Variants in TRMT11 observed in about 807,000 individuals in gnomAD.
TRMT11 encodes the protein tRNA methyltransferase 11.
Under a neutral mutation model 62.8 loss-of-function variants are expected in TRMT11, and 53 were observed. The observed-to-expected ratio is 0.84, with a 90% CI of 0.68 to 1.06. The LOEUF is 1.06. TRMT11 is among the 50% of genes least tolerant of loss of function. The pLI is 0.00. For missense variants in TRMT11, 556 were observed against 553.4 expected, an observed-to-expected ratio of 1.00 and a Z score of -0.05; for synonymous variants, 188 against 190.3, an observed-to-expected ratio of 0.99 and a Z score of 0.10.
chr6:126,120,165 C>G (rs563622237), intron 21 of TRMT11, among the ~76,000 whole-genome samples: 4 of 152,178 alleles, frequency 2.6e-5, no homozygotes, highest in Non-Finnish European at 5.9e-5. Flanking sequence ...ATCCCAGCTA[C>G]TCTGGTGAGT....
chr6:126,143,759 A>G (rs1024631003), intron 21 of TRMT11, among the ~76,000 whole-genome samples: 5 of 152,216 alleles, frequency 3.3e-5, no homozygotes, highest in Admixed American at 1.3e-4. Context: ...AACTCATGAC[A>G]TTGCTTTATG....
At position 126,140,813 on chromosome 6, in the gene TRMT11, T is replaced by C. The variant is rs139147007; in HGVS notation, c.*1823+24958T>C. ...GTGGTCTCTCAGTGAAGTTAGTTAT[T>C]TTGCAATCAAATAATTATGGGAAAT... On this transcript the variant is annotated intron_variant and NMD_transcript_variant, in intron 21 of 22. Coordinates refer to the TRMT11 transcript ENST00000648977. Among the ~76,000 whole-genome samples the C allele has an allele frequency of 1.9e-3, 287 of 152,202 alleles. 2 individuals carry two copies. The highest frequency in any genetic ancestry group is 6.5e-3 in the African/African-American group (269 of 41,566).
chr6:126,241,080 T>G, the TRMT11 span, among the ~76,000 whole-genome samples: 2 of 152,208 alleles, frequency 1.3e-5, 1 homozygote, highest in South Asian at 4.1e-4. Context: ...AGGGTGGAAA[T>G]GACCTGATTT....
chr6:126,027,847 A>G (rs1445888164), intron 12 of TRMT11, among the ~76,000 whole-genome samples: 1 of 152,208 alleles, frequency 6.6e-6, no homozygotes, highest in Non-Finnish European at 1.5e-5. Flanking sequence ...TTTTGAAGCT[A>G]TGAAGTACAA....
chr6:126,141,471 A>G (rs1033453720), intron 21 of TRMT11, among the ~76,000 whole-genome samples: 20 of 152,276 alleles, frequency 1.3e-4, no homozygotes, highest in African/African-American at 4.8e-4. Context: ...TCATTCAAGC[A>G]TGAATATATA....
chr6:126,111,092 G>C (rs1182165421), intron 17 of TRMT11, among the ~76,000 whole-genome samples: 1 of 152,078 alleles, frequency 6.6e-6, no homozygotes, highest in Non-Finnish European at 1.5e-5. Flanking sequence ...AACCCTGGGA[G>C]GGACTGCTTG....
the TRMT11 span, among the ~76,000 whole-genome samples, chr6:126,238,044 G>T: frequency 6.6e-6 from 1 of 152,130 alleles, no homozygotes. Context: ...ATTTCTGTGG[G>T]ATCGGTGGTG....
At chr6:126,178,731 C>A (rs1414011285) in intron 1 of TRMT11, among the ~76,000 whole-genome samples, 3 of 152,102 alleles carry the variant, frequency 2.0e-5, no homozygotes, top group Admixed American at 1.3e-4. Context: ...TTTTTCTTGA[C>A]CCCAGACAGT....
intron 12 of TRMT11, among the ~76,000 whole-genome samples, chr6:126,023,451 G>C (rs770141684): frequency 2.0e-5 from 3 of 152,022 alleles, no homozygotes; most frequent in African/African-American, 7.2e-5. Context: ...AGTTCGAGAC[G>C]TGCCTGGCCA....
chr6:125,996,544 C>T (rs1482841275), intron 3 of TRMT11, among the ~76,000 whole-genome samples: 7 of 148,336 alleles, frequency 4.7e-5, no homozygotes, highest in Non-Finnish European at 1.0e-4. Flanking sequence ...TGTTTATCCT[C>T]AGTGTTTCTA....
intron 21 of TRMT11, among the ~76,000 whole-genome samples, chr6:126,168,620 G>A (rs1313646416): frequency 6.6e-6 from 1 of 152,202 alleles, no homozygotes; most frequent in Non-Finnish European, 1.5e-5. Context: ...CTGGGTTCAA[G>A]CGATTCTCCT....
intron 11 of TRMT11, among the ~76,000 whole-genome samples, chr6:126,020,018 G>A (rs1445413449): frequency 6.6e-6 from 1 of 152,170 alleles, no homozygotes; most frequent in Non-Finnish European, 1.5e-5. Context: ...AATGATGCTT[G>A]GGAAGTGGGT....
intron 1 of TRMT11, among the ~76,000 whole-genome samples, chr6:125,991,404 A>G (rs1790605876): frequency 6.6e-6 from 1 of 151,544 alleles, no homozygotes; most frequent in Non-Finnish European, 1.5e-5. Flanking sequence ...GTGCACCACT[A>G]TGTCTGGCTA....
chr6:126,106,149 A>ATT (rs370882461), intron 17 of TRMT11, among the ~76,000 whole-genome samples: 11 of 142,372 alleles, frequency 7.7e-5, no homozygotes, highest in African/African-American at 2.3e-4. Context: ...TTCCAGTTGG[A>ATT]TTTTTTTTTT....
At chr6:126,174,143 C>G (rs913551225), upstream of TRMT11, among the ~76,000 whole-genome samples, 2 of 152,160 alleles carry the variant, frequency 1.3e-5, no homozygotes, top group Admixed American at 6.5e-5. Context: ...TCCCCACTGT[C>G]GCCCACTCCT....
chr6:126,151,860 T>TCCTTG (rs1562334835), intron 21 of TRMT11, among the ~76,000 whole-genome samples: 119 of 134,988 alleles, frequency 8.8e-4, no homozygotes, highest in South Asian at 2.4e-3. Context: ...CTTTCTTTCT[T>TCCTTG]TCTTTCCTTC....
At chr6:126,167,128 C>T (rs1468410370) in intron 21 of TRMT11, among the ~76,000 whole-genome samples, 2 of 152,122 alleles carry the variant, frequency 1.3e-5, no homozygotes, top group Non-Finnish European at 2.9e-5. Flanking sequence ...GTGAATGGTT[C>T]TGTCTCGCTG....
At chr6:126,130,796 A>G (rs1292682562) in intron 21 of TRMT11, among the ~76,000 whole-genome samples, 1 of 152,114 alleles carries the variant, frequency 6.6e-6, no homozygotes, top group Admixed American at 6.6e-5. Context: ...TTCACATGCC[A>G]TCCAACTCCA....
chr6:126,012,714 C>T (rs551593706), intron 9 of TRMT11, 57 bp from the exon 10 acceptor site: 23 of 1,384,258 alleles, frequency 1.7e-5, no homozygotes, highest in Admixed American at 9.0e-5. Context: ...GCTGTTTGCC[C>T]TTGATCCATG....
Sources: gnomAD v4.1 joint callset for allele counts (sites outside exome capture counted in the v4.1 genomes callset) on GRCh38, gnomAD v4.1.1 for gene constraint, MANE v1.5 for transcripts, NCBI Gene and HGNC (gene_info 2026-07-23, HGNC 2026-07-21) for gene names.